Variants in CELF2 observed in about 807,000 individuals in gnomAD.
CELF2 encodes CUGBP Elav-like family member 2.
A neutral mutation model predicts 62.6 loss-of-function variants in CELF2; 8 were observed. That is an observed-to-expected ratio of 0.13 (90% CI 0.07 to 0.23). The LOEUF is 0.23. Ranked by LOEUF, CELF2 falls within the 10% of genes least tolerant of loss-of-function variation. CELF2 has a pLI of 1.00. For missense variants in CELF2, 333 were observed against 671.0 expected, an observed-to-expected ratio of 0.50 and a Z score of 5.56; for synonymous variants, 258 against 250.0, an observed-to-expected ratio of 1.03 and a Z score of -0.30.
At chr10:10,518,400 C>A in the CELF2 span, among the ~76,000 whole-genome samples, 2 of 152,282 alleles carry the variant, frequency 1.3e-5, no homozygotes, top group South Asian at 2.1e-4. Context: ...CAGTAGATGG[C>A]AGGAGATTGT....
intron 2 of CELF2, chr10:10,952,196 C>T (rs17444979): frequency 0.14 from 21,928 of 152,260 alleles, 1,711 homozygotes; most frequent in Middle Eastern, 0.27. Context: ...AGCATTACCA[C>T]GTTGGTTGTA....
At chr10:11,089,406 T>C (rs918820366) in intron 1 of CELF2, among the ~76,000 whole-genome samples, 9 of 152,060 alleles carry the variant, frequency 5.9e-5, no homozygotes, top group African/African-American at 1.9e-4. Context: ...TTGAAGACTT[T>C]TAAGAAAGGA....
At chr10:10,573,759 G>A in the CELF2 span, among the ~76,000 whole-genome samples, 5 of 145,508 alleles carry the variant, frequency 3.4e-5, no homozygotes, top group Non-Finnish European at 7.4e-5. Context: ...CAACATAATC[G>A]TTTCAGCTTT....
chr10:10,553,444 C>T, the CELF2 span, among the ~76,000 whole-genome samples: 7 of 152,156 alleles, frequency 4.6e-5, no homozygotes, highest in Admixed American at 1.3e-4. Context: ...ACCTAATCAC[C>T]TCTCAAAGGC....
At chr10:10,833,579 G>T (rs746037184) in intron 1 of CELF2, among the ~76,000 whole-genome samples, 5 of 152,176 alleles carry the variant, frequency 3.3e-5, no homozygotes, top group African/African-American at 4.8e-5. Context: ...CAAGGATTGT[G>T]AATCGTGATG....
the CELF2 span, among the ~76,000 whole-genome samples, chr10:10,705,977 C>A: frequency 2.6e-5 from 4 of 152,176 alleles, no homozygotes; most frequent in Non-Finnish European, 5.9e-5. Flanking sequence ...GGTCTTCCTT[C>A]ACTCACTGGT....
In CELF2 at chr10:11,255,885, C is replaced by G. The variant is rs572101019; in HGVS notation, c.404-1853C>G. Among the ~76,000 whole-genome samples the G allele has an allele frequency of 1.3e-5, 2 of 152,172 alleles. No homozygotes were observed. The highest frequency in any genetic ancestry group is 2.4e-5 in the African/African-American group (1 of 41,452). On this transcript the variant is annotated intron_variant, in intron 4 of 12. Transcript: ENST00000633077. This position sits in a 1 kb window ranked among gnomAD's most constrained non-coding sequence, Gnocchi z 5.5. ...CCTAGAACCTTGGTCTTCTAATCAC[C>G]GCCATTGCTCTCCCCTTCAAGCCTT... is the stretch of plus-strand genomic sequence containing the variant.
the CELF2 span, among the ~76,000 whole-genome samples, chr10:10,616,986 G>T: frequency 6.6e-6 from 1 of 151,984 alleles, no homozygotes; most frequent in Non-Finnish European, 1.5e-5. Context: ...CAAACTCCCA[G>T]GCTCAAGCAA....
the CELF2 span, among the ~76,000 whole-genome samples, chr10:10,472,736 T>C: frequency 6.6e-6 from 1 of 152,008 alleles, no homozygotes; most frequent in Non-Finnish European, 1.5e-5. Flanking sequence ...TTAATTTGCC[T>C]GGACATTAAT....
chr10:11,035,324 G>A (rs1703252285), intron 1 of CELF2, among the ~76,000 whole-genome samples: 1 of 152,204 alleles, frequency 6.6e-6, no homozygotes, highest in Non-Finnish European at 1.5e-5. Flanking sequence ...AGCCTGCTGG[G>A]AGATGTCTCT....
intron 2 of CELF2, among the ~76,000 whole-genome samples, chr10:11,190,551 A>G (rs2076045212): frequency 6.6e-6 from 1 of 152,036 alleles, no homozygotes; most frequent in African/African-American, 2.4e-5. Flanking sequence ...ACGTGGTTCA[A>G]GAAATGGCTG....
In CELF2 at chr10:11,165,454, C is replaced by T; in HGVS notation, c.75-32C>T. On this transcript the variant is annotated intron_variant, in intron 1 of 12. Coordinates refer to ENST00000633077, the MANE Select transcript of CELF2 (RefSeq NM_001326342.2). This position sits in a 1 kb window ranked among gnomAD's most constrained non-coding sequence, Gnocchi z 7.4. ...TCTTCCTGTCCCTCATCGTGCCGCCCTAACTCTGGCTCCCGGTTCCGTTTT... is the reference window on the plus strand; with the variant it reads ...TCTTCCTGTCCCTCATCGTGCCGCCTTAACTCTGGCTCCCGGTTCCGTTTT... 6.2e-7 allele frequency: 1 copy of T among 1,606,008 alleles called. No homozygotes were observed. Among genetic ancestry groups the T allele is most frequent in the South Asian group, 1.1e-5 (1 of 90,136 alleles).
chr10:10,890,945 G>C (rs2062095506), intron 1 of CELF2, among the ~76,000 whole-genome samples: 1 of 152,110 alleles, frequency 6.6e-6, no homozygotes, highest in African/African-American at 2.4e-5. Flanking sequence ...AACCTGGGAG[G>C]TGGAGGTTGC....
chr10:10,471,558 G>A, the CELF2 span, among the ~76,000 whole-genome samples: 1 of 151,578 alleles, frequency 6.6e-6, no homozygotes, highest in Non-Finnish European at 1.5e-5. Flanking sequence ...TGTACTCAGA[G>A]TTAATGCCAT....
chr10:10,601,400 G>T, the CELF2 span, among the ~76,000 whole-genome samples: 1 of 152,140 alleles, frequency 6.6e-6, no homozygotes, highest in South Asian at 2.1e-4. Context: ...TCTAGTGAGG[G>T]TTTCAGGATT....
rs1265739033 is a variant in CELF2, at chr10:11,007,212, T to TTTTTCAAAC, written c.53+1776_53+1784dup. Among the ~76,000 whole-genome samples, 5 of 152,322 alleles carry TTTTTCAAAC rather than the reference T, an allele frequency of 3.3e-5. No homozygotes were observed. The East Asian group carries it at 9.6e-4, about 29-fold the overall frequency. On this transcript the variant is annotated intron_variant, in intron 1 of 12. Coordinates refer to the CELF2 transcript ENST00000416382. ...GAGGGGAAATTGTTTTGAAGGGTAA[T>TTTTTCAAAC]TTTTCAAACTTTAGTTGTAAATATT... is the stretch of plus-strand genomic sequence containing the variant.
the CELF2 span, among the ~76,000 whole-genome samples, chr10:10,787,219 T>C: frequency 1.3e-5 from 2 of 148,880 alleles, no homozygotes; most frequent in African/African-American, 2.5e-5. Context: ...GCCCTTAAGG[T>C]TTGATGTCAC....
At chr10:11,029,754 CTACAAATGTTTCTG>C (rs1004436994) in intron 1 of CELF2, among the ~76,000 whole-genome samples, 1 of 152,234 alleles carries the variant, frequency 6.6e-6, no homozygotes, top group African/African-American at 2.4e-5. Flanking sequence ...CACACAGATA[CTACAAATGTTTCTG>C]TACAAATTAA....
At chr10:10,696,057 C>T in the CELF2 span, among the ~76,000 whole-genome samples, 8 of 151,488 alleles carry the variant, frequency 5.3e-5, no homozygotes, top group Non-Finnish European at 7.4e-5. Flanking sequence ...TGAGGAACTG[C>T]GTTCCTTTGG....
Sources: gnomAD v4.1 joint callset for allele counts (sites outside exome capture counted in the v4.1 genomes callset) on GRCh38, gnomAD v4.1.1 for gene constraint, Gnocchi (gnomAD v3.1) non-coding constraint, MANE v1.5 for transcripts, NCBI Gene and HGNC (gene_info 2026-07-23, HGNC 2026-07-21) for gene names.